The following PAK6 variants were observed in gnomAD, a reference collection of about 807,000 sequenced individuals.
PAK6 encodes the protein serine/threonine-protein kinase PAK 6.
In PAK6, 33 loss-of-function variants were observed where a neutral mutation model predicts 60.8. That is an observed-to-expected ratio of 0.54 (90% CI 0.41 to 0.73). The LOEUF (loss-of-function observed/expected upper bound fraction) is 0.73. Ranked by LOEUF, PAK6 falls within the 30% of genes least tolerant of loss-of-function variation. The pLI, the probability that PAK6 is intolerant of heterozygous loss-of-function variation, is 0.00. For synonymous variants in PAK6, 404 were observed against 378.5 expected (o/e 1.07, Z -0.78); for missense variants, 845 against 904.1 (o/e 0.93, Z 0.84).
At chr15:40,272,580 G>C in exon 6 of PAK6, 4 of 1,613,274 alleles carry the variant, frequency 2.5e-6, no homozygotes, top group Non-Finnish European at 3.4e-6. Flanking sequence ...ACCCCCGGCT[G>C]CTGCTGGACA....
chr15:40,262,546 C>T (rs1253988639), intron 3 of PAK6, among the ~76,000 whole-genome samples: 1 of 152,010 alleles, frequency 6.6e-6, no homozygotes, highest in Non-Finnish European at 1.5e-5. Context: ...ACAAAAAAGG[C>T]AAAGGCCAAA....
chr15:40,253,000 C>T lies in PAK6; in HGVS notation c.-117-178C>T, dbSNP rs1242778209. On this transcript the variant is annotated intron_variant, in intron 2 of 10. Coordinates refer to ENST00000560346, the Ensembl canonical transcript of PAK6. Reference sequence around the variant, plus strand: ...GCCCCGGAAGCGGTGCTGCGCCCAACGTCCCCTTCTCCCCGTAAGCCCCGC... The same window carrying T: ...GCCCCGGAAGCGGTGCTGCGCCCAATGTCCCCTTCTCCCCGTAAGCCCCGC... 6.6e-6 allele frequency: 3 copies of T among 457,070 alleles called. No individual in the cohort carries two copies. The East Asian group carries it at 2.5e-4, about 38-fold the overall frequency. The allele number at this position is 457,070 out of a possible 1,614,324, so 28.3% of individuals were successfully genotyped here.
intron 4 of PAK6, 93 bp from the exon 5 acceptor site, chr15:40,265,740 TCCCCAGGGC>T (rs2039108263): frequency 1.8e-6 from 2 of 1,114,724 alleles, no homozygotes; most frequent in South Asian, 1.7e-5. Flanking sequence ...TAGGTGGTCC[TCCCCAGGGC>T]CCCCAGGGAC....
intron 2 of PAK6, among the ~76,000 whole-genome samples, chr15:40,247,752 C>A (rs2038534349): frequency 6.6e-6 from 1 of 152,144 alleles, no homozygotes. Context: ...GACAGTGCTA[C>A]CCCCTGGCGC....
chr15:40,274,144 G>A lies in PAK6; in HGVS notation c.1746G>A (p.Val582=), dbSNP rs774149186. 8 of 1,613,950 alleles carry A rather than the reference G, an allele frequency of 5.0e-6. No individual in the cohort carries two copies. The East Asian group carries it at 1.3e-4, about 27-fold the overall frequency. The change falls in exon 10 of 11, where the codon GTG becomes GTA. Residue 582 remains valine, a splice_region_variant and synonymous_variant. Coordinates refer to ENST00000560346, the Ensembl canonical transcript of PAK6. Reference sequence around the variant, plus strand: ...TCAGGGACATTTTCCTCCTGCAGGTGGATATCTGGTCTCTGGGCATCATGG... The same window carrying A: ...TCAGGGACATTTTCCTCCTGCAGGTAGATATCTGGTCTCTGGGCATCATGG...
chr15:40,251,199 T>C (rs2038657704), intron 2 of PAK6: 1 of 152,240 alleles, frequency 6.6e-6, no homozygotes, highest in Non-Finnish European at 1.5e-5. Context: ...AATATAAATA[T>C]GTGTTGGGGA....
At position 40,273,328 on chromosome 15, in the gene PAK6, C is replaced by A; in HGVS notation, c.1491-18C>A. 1 of 1,611,102 alleles carries A rather than the reference C, an allele frequency of 6.2e-7. No homozygotes were observed. The highest frequency in any genetic ancestry group is 8.5e-7 in the Non-Finnish European group (1 of 1,178,452). The stretch of plus-strand genomic sequence containing the variant: ...GCTAACGTTCTCTTTCATCGGGTGG[C>A]CCCACCTTCCTGTCCAGGCTGAATG... On this transcript the variant is annotated intron_variant, in intron 7 of 10. Coordinates refer to ENST00000560346, the Ensembl canonical transcript of PAK6.
chr15:40,264,588 G>A (rs2140977989), intron 3 of PAK6, 193 bp from the exon 4 acceptor site: 2 of 634,088 alleles, frequency 3.2e-6, no homozygotes, highest in East Asian at 2.7e-5. Context: ...TGGCACGTTT[G>A]TTGTTTCTGG....
chr15:40,275,280 G>GTTTTTTTTTGTTTTTTTTT (rs2039418937), intron 10 of PAK6, among the ~76,000 whole-genome samples: 1 of 56,484 alleles, frequency 1.8e-5, no homozygotes, highest in Non-Finnish European at 3.1e-5. Context: ...GTTGTTGTTG[G>GTTTTTTTTTGTTTTTTTTT]TTTTTTTTTT....
chr15:40,261,208 G>C (rs1328705584), intron 3 of PAK6, among the ~76,000 whole-genome samples: 1 of 150,386 alleles, frequency 6.6e-6, no homozygotes, highest in South Asian at 2.2e-4. Flanking sequence ...ATTTCATGTT[G>C]TTACTGGTAT....
intron 3 of PAK6, among the ~76,000 whole-genome samples, chr15:40,256,099 C>T (rs12050520): frequency 0.23 from 34,844 of 152,016 alleles, 4,943 homozygotes; most frequent in Non-Finnish European, 0.33. Context: ...GTGGTATGCT[C>T]CTCTAGTCCT....
chr15:40,243,287 G>A (rs577989423), intron 2 of PAK6, among the ~76,000 whole-genome samples: 31 of 152,284 alleles, frequency 2.0e-4, no homozygotes, highest in South Asian at 1.0e-3. Flanking sequence ...AGACCAGGGC[G>A]GGAAGAGGCA....
intron 2 of PAK6, among the ~76,000 whole-genome samples, chr15:40,248,485 C>G (rs1445255293): frequency 2.0e-5 from 3 of 152,228 alleles, no homozygotes; most frequent in East Asian, 1.9e-4. Context: ...GTGCCCCCAC[C>G]TCCCCGGCAG....
intron 10 of PAK6, among the ~76,000 whole-genome samples, chr15:40,275,058 C>T (rs986567608): frequency 8.5e-5 from 13 of 152,158 alleles, no homozygotes; most frequent in Non-Finnish European, 1.8e-4. Flanking sequence ...CCAAAATTAG[C>T]ATATAAAGAT....
At chr15:40,259,019 CT>C (rs1480844265) in intron 3 of PAK6, 1 of 152,350 alleles carries the variant, frequency 6.6e-6, no homozygotes, top group Admixed American at 6.5e-5. Context: ...CTTGTTTCCA[CT>C]TCAGGGTCTT....
chr15:40,256,846 C>A (rs1477663516), intron 3 of PAK6: 1 of 152,262 alleles, frequency 6.6e-6, no homozygotes, highest in African/African-American at 2.4e-5. Context: ...ATGCTAGGCT[C>A]TTCCTGAGTG....
chr15:40,248,777 G>A (rs2038573159), intron 2 of PAK6, among the ~76,000 whole-genome samples: 1 of 152,220 alleles, frequency 6.6e-6, no homozygotes, highest in African/African-American at 2.4e-5. Context: ...TGCCTGGGCA[G>A]TGATTTTTTT....
chr15:40,246,862 C>T (rs2038509055), intron 2 of PAK6: 1 of 152,318 alleles, frequency 6.6e-6, no homozygotes, highest in Non-Finnish European at 1.5e-5. Flanking sequence ...ATGCAGAGGT[C>T]CACAGACTCT....
At chr15:40,274,055 TC>T (rs2039383038) in intron 9 of PAK6, 86 bp from the exon 10 acceptor site, 3 of 1,488,996 alleles carry the variant, frequency 2.0e-6, no homozygotes, top group African/African-American at 1.4e-5. Flanking sequence ...GGGCCAGCTG[TC>T]CCCCCTCCAC....
Sources: gnomAD v4.1 joint callset for allele counts (sites outside exome capture counted in the v4.1 genomes callset) on GRCh38, gnomAD v4.1.1 for gene constraint, MANE v1.5 for transcripts, NCBI Gene and HGNC (gene_info 2026-07-23, HGNC 2026-07-21) for gene names.